The following MAP3K20 variants were observed in gnomAD, a reference collection of about 807,000 sequenced individuals.
MAP3K20 encodes the protein mitogen-activated protein kinase kinase kinase 20.
In MAP3K20, 40 loss-of-function variants were observed where a neutral mutation model predicts 85.7. The observed-to-expected ratio is 0.47, with a 90% CI of 0.36 to 0.61. The LOEUF (loss-of-function observed/expected upper bound fraction) is 0.61. Ranked by LOEUF, MAP3K20 falls within the 20% of genes least tolerant of loss-of-function variation. The pLI is 0.00. For missense variants in MAP3K20, 817 were observed against 961.7 expected (o/e 0.85, Z 1.99); for synonymous variants, 325 against 327.7 (o/e 0.99, Z 0.09).
At chr2:173,250,810 T>G (rs2106347109) in intron 16 of MAP3K20, among the ~76,000 whole-genome samples, 1 of 152,292 alleles carries the variant, frequency 6.6e-6, no homozygotes, top group South Asian at 2.1e-4. Flanking sequence ...TGTGGATTTC[T>G]TTTTGGTTAA....
chr2:173,126,736 A>G (rs1420070005), intron 2 of MAP3K20, among the ~76,000 whole-genome samples: 1 of 151,768 alleles, frequency 6.6e-6, no homozygotes, highest in Non-Finnish European at 1.5e-5. Flanking sequence ...AGCAGTCTAG[A>G]GGGAAGGGGA....
chr2:173,231,681 T>C (rs1056806321), intron 12 of MAP3K20, among the ~76,000 whole-genome samples: 4 of 152,190 alleles, frequency 2.6e-5, no homozygotes, highest in African/African-American at 7.2e-5. Context: ...GACCCTGTGA[T>C]ATACAGGGAC....
Position 173,209,759 on chromosome 2 carries a change from A to T in MAP3K20, c.775A>T (p.Ile259Phe), listed in dbSNP as rs1278507503. Residue 259 changes from isoleucine (I) to phenylalanine (F), a missense_variant, in exon 10 of 20, where the codon ATC becomes TTC. By Grantham distance (21) the Ile-to-Phe change is conservative. Coordinates refer to ENST00000375213, the MANE Select transcript of MAP3K20 (RefSeq NM_016653.3). ...GCCATCATTCAAGCAAATCATTTCA[A>T]TCCTGGAGTCCATGTCAAATGACAC... Reference protein sequence around the residue: ...KRPSFKQIISILESMSNDTSL... With the variant: ...KRPSFKQIISFLESMSNDTSL... 6.2e-7 allele frequency: 1 copy of T among 1,612,478 alleles called. No individual in the cohort carries two copies. Among genetic ancestry groups the T allele is most frequent in the Admixed American group, 1.7e-5 (1 of 59,570 alleles).
intron 14 of MAP3K20, among the ~76,000 whole-genome samples, chr2:173,235,263 G>A (rs1006600734): frequency 2.0e-5 from 3 of 152,220 alleles, no homozygotes; most frequent in Non-Finnish European, 2.9e-5. Flanking sequence ...GAGGGGCTAC[G>A]TCCAGATAGG....
intron 5 of MAP3K20, 69 bp from the exon 6 acceptor site, chr2:173,190,824 GTT>G: frequency 7.5e-7 from 1 of 1,340,712 alleles, no homozygotes; most frequent in Non-Finnish European, 1.0e-6. Flanking sequence ...GAAGTTTATG[GTT>G]TTTTTCAGTA....
chr2:173,134,428 A>ATTTTT (rs1274644433), intron 2 of MAP3K20, among the ~76,000 whole-genome samples: 43 of 3,156 alleles, frequency 0.014, 9 homozygotes, highest in East Asian at 0.12. Context: ...ATATATATAT[A>ATTTTT]TTTTTTTTTT....
intron 1 of MAP3K20, among the ~76,000 whole-genome samples, chr2:173,084,006 C>A (rs1037403570): frequency 6.6e-6 from 1 of 151,972 alleles, no homozygotes; most frequent in African/African-American, 2.4e-5. Flanking sequence ...AAATATAGGC[C>A]CATATAAAAC....
At chr2:173,186,553 A>C (rs2106269645) in intron 4 of MAP3K20, among the ~76,000 whole-genome samples, 1 of 152,290 alleles carries the variant, frequency 6.6e-6, no homozygotes, top group Admixed American at 6.5e-5. Flanking sequence ...TTAAAATAGA[A>C]GAATAAAGAT....
chr2:173,189,391 GGCACT>G (rs1690584159), intron 5 of MAP3K20, among the ~76,000 whole-genome samples: 1 of 152,080 alleles, frequency 6.6e-6, no homozygotes. Context: ...TCATGTTCAA[GGCACT>G]GCACGGTTTA....
intron 11 of MAP3K20, chr2:173,223,786 C>G (rs567858579): frequency 1.0e-6 from 1 of 985,298 alleles, no homozygotes; most frequent in Admixed American, 6.1e-5. Context: ...ATGAACACAG[C>G]CTGTCTGTGC....
chr2:173,266,231 A>C lies in MAP3K20; in HGVS notation c.1884A>C (p.Thr628=). 1 of 1,614,100 alleles carries C rather than the reference A, an allele frequency of 6.2e-7. No homozygotes were observed. The highest frequency in any genetic ancestry group is 8.5e-7 in the Non-Finnish European group (1 of 1,180,004). The change falls in exon 20 of 20, where the codon ACA becomes ACC. Residue 628 remains threonine (T), a synonymous_variant. Transcript: ENST00000375213. ...TGCCCATTAAGTATCAACAGATTAC[A>C]CCTGTGAACCAGTCCAGAAGCTCGT... ...PQVPIKYQQI[T]PVNQSRSSSP...
At chr2:173,111,174 G>T (rs1283102502) in intron 2 of MAP3K20, among the ~76,000 whole-genome samples, 1 of 152,152 alleles carries the variant, frequency 6.6e-6, no homozygotes, top group Non-Finnish European at 1.5e-5. Flanking sequence ...GCATTTCCCT[G>T]ATCATTAGTG....
At chr2:173,257,316 T>C (rs191261262) in intron 16 of MAP3K20, among the ~76,000 whole-genome samples, 11 of 152,356 alleles carry the variant, frequency 7.2e-5, no homozygotes, top group Non-Finnish European at 1.5e-4. Flanking sequence ...AGTTTCCTCA[T>C]ACCCCTTGTA....
At chr2:173,131,437 G>A (rs995276676) in intron 2 of MAP3K20, among the ~76,000 whole-genome samples, 1 of 152,120 alleles carries the variant, frequency 6.6e-6, no homozygotes, top group Non-Finnish European at 1.5e-5. Flanking sequence ...TTGAGGTGGA[G>A]TGAAAAATAA....
At chr2:173,226,562 A>C in intron 11 of MAP3K20, 1 of 985,888 alleles carries the variant, frequency 1.0e-6, no homozygotes, top group Non-Finnish European at 1.2e-6. Context: ...TCTATGATGA[A>C]AAATGAGTAT....
intron 16 of MAP3K20, among the ~76,000 whole-genome samples, chr2:173,251,080 T>A (rs1020855797): frequency 6.6e-6 from 1 of 152,166 alleles, no homozygotes; most frequent in African/African-American, 2.4e-5. Context: ...AGGCCTAAAT[T>A]GTCAACATCT....
intron 1 of MAP3K20, among the ~76,000 whole-genome samples, chr2:173,078,706 T>G (rs1686933237): frequency 6.6e-6 from 1 of 152,154 alleles, no homozygotes; most frequent in African/African-American, 2.4e-5. Flanking sequence ...TCAATTGTAA[T>G]AGGAAATTAA....
chr2:173,097,123 G>A (rs1011634140), intron 2 of MAP3K20, among the ~76,000 whole-genome samples: 8 of 152,216 alleles, frequency 5.3e-5, no homozygotes, highest in African/African-American at 1.7e-4. Context: ...GCTCACGCCT[G>A]TAATCCCAAC....
chr2:173,179,710 A>G (rs888820009), intron 3 of MAP3K20, among the ~76,000 whole-genome samples: 58 of 143,810 alleles, frequency 4.0e-4, no homozygotes, highest in South Asian at 1.1e-3. Flanking sequence ...ATGCGCACAC[A>G]CACACACACA....
Sources: gnomAD v4.1 joint callset for allele counts (sites outside exome capture counted in the v4.1 genomes callset) on GRCh38, gnomAD v4.1.1 for gene constraint, MANE v1.5 for transcripts, NCBI Gene and HGNC (gene_info 2026-07-23, HGNC 2026-07-21) for gene names.